TTC27: variants seen among roughly 807,000 people sequenced by gnomAD.
TTC27 encodes the protein tetratricopeptide repeat protein 27.
In TTC27, 79 loss-of-function variants were observed where a neutral mutation model predicts 115.9. The ratio of observed to expected loss-of-function variants is 0.68; its 90% confidence interval spans 0.57 to 0.82. The LOEUF is 0.82. TTC27 is among the 40% of genes least tolerant of loss of function. The pLI is 0.00. For missense variants in TTC27, 1,054 were observed against 993.1 expected (o/e 1.06, Z -0.82); for synonymous variants, 401 against 356.0 (o/e 1.13, Z -1.42).
chr2:32,711,713 G>A lies in TTC27; in HGVS notation c.1233+8793G>A, dbSNP rs368207285. Reference sequence around the variant, plus strand: ...CCAGCACTTTGGGAGGCTGAGGTGTGTGGATCACCTGAGGTCAGGAGTTCA... The same window carrying A: ...CCAGCACTTTGGGAGGCTGAGGTGTATGGATCACCTGAGGTCAGGAGTTCA... On this transcript the variant is annotated intron_variant, in intron 10 of 19. Coordinates refer to ENST00000317907, the MANE Select transcript of TTC27 (RefSeq NM_017735.5). 1.1e-3 allele frequency among the ~76,000 whole-genome samples: 172 copies of A among 152,314 alleles called. 1 individual carries two copies. The highest frequency in any genetic ancestry group is 4.1e-3 in the African/African-American group (169 of 41,572).
chr2:32,784,655 C>T (rs983306361), intron 15 of TTC27, among the ~76,000 whole-genome samples: 2 of 152,088 alleles, frequency 1.3e-5, no homozygotes, highest in Non-Finnish European at 2.9e-5. Flanking sequence ...AGTGAAGCAC[C>T]TTACAAAGAA....
intron 15 of TTC27, among the ~76,000 whole-genome samples, chr2:32,784,587 T>C (rs1397242465): frequency 2.0e-5 from 3 of 152,232 alleles, no homozygotes; most frequent in African/African-American, 7.2e-5. Context: ...TATATTCGGA[T>C]GTAATTTTAA....
chr2:32,660,130 C>T (rs1204937003), intron 5 of TTC27, among the ~76,000 whole-genome samples: 3 of 152,134 alleles, frequency 2.0e-5, no homozygotes, highest in Admixed American at 6.6e-5. Flanking sequence ...ACATTCCCAC[C>T]GACAGAGTAA....
At chr2:32,636,426 G>A (rs982184802) in intron 3 of TTC27, among the ~76,000 whole-genome samples, 42 of 152,012 alleles carry the variant, frequency 2.8e-4, no homozygotes, top group African/African-American at 1.4e-4. Flanking sequence ...GTTGGCCAGG[G>A]TGGTCTCAAA....
chr2:32,686,493 G>A (rs1310430410), intron 9 of TTC27, among the ~76,000 whole-genome samples: 2 of 135,782 alleles, frequency 1.5e-5, no homozygotes, highest in Non-Finnish European at 3.4e-5. Context: ...CTGAGTAGCT[G>A]GGACTACAGG....
At chr2:32,695,506 G>C (rs550845256) in intron 9 of TTC27, among the ~76,000 whole-genome samples, 2 of 151,950 alleles carry the variant, frequency 1.3e-5, no homozygotes, top group African/African-American at 4.8e-5. Flanking sequence ...AGATCACGAG[G>C]TCAGGAGTTC....
At chr2:32,800,628 G>A (rs1196748887) in intron 16 of TTC27, among the ~76,000 whole-genome samples, 2 of 152,024 alleles carry the variant, frequency 1.3e-5, no homozygotes. Context: ...CTCCCAGGTA[G>A]CCAGGATTAC....
chr2:32,703,796 T>C (rs1228179147), intron 10 of TTC27, among the ~76,000 whole-genome samples: 1 of 152,236 alleles, frequency 6.6e-6, no homozygotes, highest in East Asian at 1.9e-4. Context: ...ATGTAGGATT[T>C]CGTAACGTCA....
rs980277441 is a variant in TTC27, at chr2:32,755,365, G to T, written c.1453-2927G>T. On this transcript the variant is annotated intron_variant, in intron 12 of 19. Coordinates refer to ENST00000317907, the MANE Select transcript of TTC27 (RefSeq NM_017735.5). The stretch of plus-strand genomic sequence containing the variant: ...GGAGGCCAAGGCTGGCGGATCACTC[G>T]CGGTTAGGAGCTGGAGACCAGCCCG... Among the ~76,000 whole-genome samples the T allele has an allele frequency of 2.6e-5, 4 of 152,200 alleles. No homozygotes were observed. The East Asian group carries it at 5.8e-4, about 22-fold the overall frequency.
intron 16 of TTC27, among the ~76,000 whole-genome samples, chr2:32,799,349 G>A (rs565753587): frequency 6.6e-6 from 1 of 152,226 alleles, no homozygotes; most frequent in African/African-American, 2.4e-5. Flanking sequence ...TAATACTGAT[G>A]AATTGTACAT....
At chr2:32,773,657 A>G (rs1286003168) in intron 13 of TTC27, among the ~76,000 whole-genome samples, 1 of 152,202 alleles carries the variant, frequency 6.6e-6, no homozygotes, top group East Asian at 1.9e-4. Flanking sequence ...ACCACCTTGC[A>G]GGGTGGGTGT....
intron 12 of TTC27, among the ~76,000 whole-genome samples, chr2:32,754,080 A>T (rs1320954796): frequency 6.6e-6 from 1 of 150,984 alleles, no homozygotes; most frequent in East Asian, 1.9e-4. Flanking sequence ...TCTCAAAAAT[A>T]AAAATAAAAT....
intron 14 of TTC27, 73 bp downstream of exon 14, chr2:32,778,053 C>T: frequency 7.1e-7 from 1 of 1,417,100 alleles, no homozygotes; most frequent in Non-Finnish European, 9.9e-7. Flanking sequence ...CTGTATGGTT[C>T]AGAACAGCAA....
Position 32,719,292 on chromosome 2 carries a change from A to G in TTC27, c.1234-14536A>G, listed in dbSNP as rs563623519. ...CTGTAAAAGATACAAAAGGCTTTGC[A>G]GTGATTAGGAGAGGCACCTAGTCAT... On this transcript the variant is annotated intron_variant, in intron 10 of 19. Coordinates refer to ENST00000317907, the MANE Select transcript of TTC27 (RefSeq NM_017735.5). Among the ~76,000 whole-genome samples the G allele has an allele frequency of 9.2e-5, 14 of 152,346 alleles. No homozygotes were observed. The East Asian group carries it at 2.3e-3, about 25-fold the overall frequency.
chr2:32,712,557 C>G (rs1667615381), intron 10 of TTC27, among the ~76,000 whole-genome samples: 1 of 150,266 alleles, frequency 6.7e-6, no homozygotes, highest in Non-Finnish European at 1.5e-5. Context: ...CTTTTTTTTT[C>G]TTTTTTTTCT....
chr2:32,660,595 T>C (rs1318207067), intron 5 of TTC27, among the ~76,000 whole-genome samples: 1 of 151,894 alleles, frequency 6.6e-6, no homozygotes, highest in Non-Finnish European at 1.5e-5. Flanking sequence ...GGTGGGGGAC[T>C]AGGGGACACT....
intron 9 of TTC27, among the ~76,000 whole-genome samples, chr2:32,696,546 G>A (rs145194789): frequency 6.1e-4 from 93 of 151,936 alleles, no homozygotes; most frequent in Non-Finnish European, 1.2e-3. Context: ...CACCTGCCTC[G>A]GCCTCCGAAA....
chr2:32,735,039 C>G (rs1373332640), intron 11 of TTC27, among the ~76,000 whole-genome samples: 4 of 152,152 alleles, frequency 2.6e-5, no homozygotes, highest in Non-Finnish European at 5.9e-5. Flanking sequence ...TTTCTGTCCT[C>G]TCTTTCATGG....
At chr2:32,777,749 A>G (rs1277539155) in intron 13 of TTC27, 133 bp from the exon 14 acceptor site, 6 of 785,590 alleles carry the variant, frequency 7.6e-6, no homozygotes, top group Non-Finnish European at 1.2e-5. Context: ...AACTAAATGT[A>G]AGGCAAATAT....
Sources: allele counts gnomAD v4.1 joint callset (sites outside exome capture counted in the v4.1 genomes callset), GRCh38; gene constraint gnomAD v4.1.1; transcripts MANE v1.5; gene names NCBI Gene and HGNC (gene_info 2026-07-23, HGNC 2026-07-21).